The following CNTN5 variants were observed in gnomAD, a reference collection of about 807,000 sequenced individuals.
CNTN5 encodes contactin 5, also known as contactin-5.
Under a neutral mutation model 129.1 loss-of-function variants are expected in CNTN5, and 77 were observed. The ratio of observed to expected loss-of-function variants is 0.60; its 90% CI spans 0.50 to 0.72. The LOEUF (loss-of-function observed/expected upper bound fraction) is 0.72, where lower values mean the gene tolerates loss of function less well. Among genes scored for constraint, CNTN5 ranks in the 30% least tolerant of loss-of-function variants. The probability of loss-of-function intolerance (pLI) is 0.00; values close to 1 mark genes in which losing one functional copy is unlikely to be tolerated. For synonymous variants in CNTN5, 509 were observed against 465.6 expected, an observed-to-expected ratio of 1.09 and a Z score of -1.20; for missense variants, 1,478 against 1,328.8, an observed-to-expected ratio of 1.11 and a Z score of -1.75.
chr11:99,053,614 T>A (rs1336022934), intron 1 of CNTN5, among the ~76,000 whole-genome samples: 6 of 151,944 alleles, frequency 3.9e-5, no homozygotes, highest in Non-Finnish European at 8.8e-5. Context: ...GCCACAAGGA[T>A]ATTTCCCTTT....
At chr11:100,268,133 T>C (rs1235711632) in intron 17 of CNTN5, among the ~76,000 whole-genome samples, 1 of 152,132 alleles carries the variant, frequency 6.6e-6, no homozygotes, top group Non-Finnish European at 1.5e-5. Flanking sequence ...TGAGAAACCT[T>C]CATAATTGGA....
intron 2 of CNTN5, among the ~76,000 whole-genome samples, chr11:99,455,109 T>G (rs1591087416): frequency 6.6e-6 from 1 of 152,296 alleles, no homozygotes; most frequent in African/African-American, 2.4e-5. Flanking sequence ...TTAATAGGAT[T>G]ATTTGGCTCA....
rs555608118 is a variant in CNTN5 at position 99,699,733 on chromosome 11, T to C, written c.56-119811T>C. Among the ~76,000 whole-genome samples the C allele has an allele frequency of 1.4e-3, 209 of 151,606 alleles. 1 individual carries two copies. Among genetic ancestry groups the C allele is most frequent in the African/African-American group, 4.6e-3 (193 of 41,518 alleles). ...ATTTGAAGAGCTTTAAACACCTCAC[T>C]ACCACCTTTAGTGTACACTCTAACC... On this transcript the variant is annotated intron_variant, in intron 3 of 24. Coordinates refer to ENST00000524871, the MANE Select transcript of CNTN5 (RefSeq NM_014361.4).
At position 99,531,815 on chromosome 11, in the gene CNTN5, G is replaced by A. The variant is rs141712190; in HGVS notation, c.-70-24330G>A. 4.3e-4 allele frequency among the ~76,000 whole-genome samples: 66 copies of A among 152,312 alleles called. 3 individuals are homozygous for A. The East Asian group carries it at 9.1e-3, about 21-fold the overall frequency. The stretch of plus-strand genomic sequence containing the variant: ...CAAGAATTCAGGTTTGGGAAAGTTC[G>A]CTTAGATTTCAGAAGATGTACAGAA... On this transcript the variant is annotated intron_variant, in intron 2 of 24. Transcript: ENST00000524871.
chr11:100,268,171 G>T (rs1166772600), intron 17 of CNTN5, among the ~76,000 whole-genome samples: 1 of 152,110 alleles, frequency 6.6e-6, no homozygotes, highest in Non-Finnish European at 1.5e-5. Flanking sequence ...GAGATAAAGA[G>T]TTCCATTTGA....
At chr11:100,000,436 G>A (rs1939785177) in intron 8 of CNTN5, among the ~76,000 whole-genome samples, 1 of 152,220 alleles carries the variant, frequency 6.6e-6, no homozygotes, top group South Asian at 2.1e-4. Context: ...TGTAGGGCAT[G>A]ATGATAGAAG....
chr11:100,093,027 C>T (rs1226272653), intron 13 of CNTN5, among the ~76,000 whole-genome samples: 1 of 152,076 alleles, frequency 6.6e-6, no homozygotes, highest in Non-Finnish European at 1.5e-5. Flanking sequence ...TTTATATGTA[C>T]ATGAGCCTCT....
At chr11:99,498,193 T>C (rs1946298267) in intron 2 of CNTN5, among the ~76,000 whole-genome samples, 1 of 152,202 alleles carries the variant, frequency 6.6e-6, no homozygotes, top group Admixed American at 6.5e-5. Context: ...TCTTTCAAAA[T>C]AGTGATCTCT....
chr11:99,818,401 A>G (rs1946663360), intron 3 of CNTN5, among the ~76,000 whole-genome samples: 1 of 152,136 alleles, frequency 6.6e-6, no homozygotes. Context: ...AGCTACAGGC[A>G]TGTGCCACCA....
intron 8 of CNTN5, among the ~76,000 whole-genome samples, chr11:99,998,932 C>A (rs1939654585): frequency 6.6e-6 from 1 of 151,134 alleles, no homozygotes; most frequent in Non-Finnish European, 1.5e-5. Flanking sequence ...ATAAATGGTG[C>A]TGGGAAAACT....
chr11:99,140,311 TA>T (rs1859448799), intron 1 of CNTN5, among the ~76,000 whole-genome samples: 1 of 152,008 alleles, frequency 6.6e-6, no homozygotes, highest in Non-Finnish European at 1.5e-5. Context: ...ATCACTCAGG[TA>T]GTGAGCATAG....
chr11:99,310,632 G>A (rs1865067932), intron 1 of CNTN5, among the ~76,000 whole-genome samples: 1 of 151,874 alleles, frequency 6.6e-6, no homozygotes, highest in Non-Finnish European at 1.5e-5. Context: ...TCAAAACATA[G>A]AATATTTCTG....
intron 9 of CNTN5, among the ~76,000 whole-genome samples, chr11:100,003,368 G>T (rs1405749833): frequency 3.3e-5 from 5 of 152,074 alleles, no homozygotes; most frequent in Admixed American, 6.5e-5. Context: ...TTAAAAGTCT[G>T]GTTTGTCACC....
intron 16 of CNTN5, among the ~76,000 whole-genome samples, chr11:100,243,942 C>T (rs1266935832): frequency 1.3e-5 from 2 of 152,072 alleles, no homozygotes; most frequent in Non-Finnish European, 2.9e-5. Context: ...CTCCTCCAGA[C>T]TCTCCCTTTA....
chr11:99,878,832 C>G (rs7102461), intron 6 of CNTN5, among the ~76,000 whole-genome samples: 1 of 151,914 alleles, frequency 6.6e-6, no homozygotes, highest in Non-Finnish European at 1.5e-5. Flanking sequence ...TCCAGCCTGG[C>G]GACAGAGCGA....
Position 99,956,997 on chromosome 11 carries a change from C to A in CNTN5, c.865C>A (p.Leu289Met). Residue 289 changes from leucine to methionine, a missense_variant, in exon 8 of 25, where the codon CTG (leucine) becomes ATG (methionine). Transcript: ENST00000524871. ...CCTTAGTCCTCCAACGCCACTCACT[C>A]TGCGTAATGATGGTAAGTTGCTTGG... ...RVLSPPTPLT[L>M]RNDGVMGEYE... is the part of the protein sequence containing the mutation. 1 of 1,613,432 alleles carries A rather than the reference C, an allele frequency of 6.2e-7. No homozygotes were observed. The highest frequency in any genetic ancestry group is 1.1e-5 in the South Asian group (1 of 91,028).
chr11:99,080,999 T>TTTTTTTC (rs1365332896), intron 1 of CNTN5, among the ~76,000 whole-genome samples: 1 of 150,774 alleles, frequency 6.6e-6, no homozygotes, highest in African/African-American at 2.4e-5. Flanking sequence ...TTTTTTTTTT[T>TTTTTTTC]CAGAAGAACA....
intron 7 of CNTN5, among the ~76,000 whole-genome samples, chr11:99,925,846 AGAG>A (rs1262817870): frequency 2.0e-4 from 31 of 152,268 alleles, no homozygotes; most frequent in African/African-American, 6.7e-4. Flanking sequence ...AGAGAATATA[AGAG>A]GTAGTCCCAA....
intron 2 of CNTN5, among the ~76,000 whole-genome samples, chr11:99,369,651 A>T (rs1334460097): frequency 6.6e-6 from 1 of 152,142 alleles, no homozygotes; most frequent in African/African-American, 2.4e-5. Flanking sequence ...ATTAAAATAC[A>T]CCAAAGTAAT....
Sources: gnomAD v4.1 joint callset for allele counts (sites outside exome capture counted in the v4.1 genomes callset) on GRCh38, gnomAD v4.1.1 for gene constraint, MANE v1.5 for transcripts, NCBI Gene and HGNC (gene_info 2026-07-23, HGNC 2026-07-21) for gene names.